Variants in DOCK3 observed in about 807,000 individuals in gnomAD.
The protein encoded by DOCK3 is dedicator of cytokinesis protein 3.
A neutral mutation model predicts 265.6 loss-of-function variants in DOCK3; 60 were observed. The observed-to-expected ratio is 0.23, with a 90% CI of 0.18 to 0.28. The LOEUF (loss-of-function observed/expected upper bound fraction) is 0.28. Among genes scored for constraint, DOCK3 ranks in the 10% least tolerant of loss-of-function variants. The probability of loss-of-function intolerance (pLI) is 1.00; values close to 1 mark genes in which losing one functional copy is unlikely to be tolerated. For missense variants in DOCK3, 1,981 were observed against 2,594.3 expected (o/e 0.76, Z 5.14); for synonymous variants, 881 against 938.0 (o/e 0.94, Z 1.11).
chr3:50,749,238 C>G (rs2039638991), intron 1 of DOCK3, among the ~76,000 whole-genome samples: 1 of 152,140 alleles, frequency 6.6e-6, no homozygotes, highest in Non-Finnish European at 1.5e-5. Context: ...GCTTCCCTAG[C>G]CTGGGACAAA....
intron 1 of DOCK3, among the ~76,000 whole-genome samples, chr3:50,683,490 C>A (rs1296622699): frequency 6.6e-6 from 1 of 152,114 alleles, no homozygotes; most frequent in Non-Finnish European, 1.5e-5. Context: ...AGTGTATAAA[C>A]AAGTAGTGTC....
intron 3 of DOCK3, among the ~76,000 whole-genome samples, chr3:50,869,325 A>T (rs1204331892): frequency 1.7e-5 from 1 of 57,342 alleles, no homozygotes; most frequent in South Asian, 6.6e-4. Flanking sequence ...TTTCAATTTT[A>T]TTTATTTCTG....
chr3:50,852,510 T>G (rs2046391080), intron 3 of DOCK3, among the ~76,000 whole-genome samples: 1 of 152,184 alleles, frequency 6.6e-6, no homozygotes. Context: ...ATCTGTTGGT[T>G]TTGGTCAGTT....
intron 2 of DOCK3, among the ~76,000 whole-genome samples, chr3:50,838,002 T>C (rs974964458): frequency 1.3e-5 from 2 of 152,160 alleles, no homozygotes; most frequent in African/African-American, 4.8e-5. Flanking sequence ...TTTGGAGAGC[T>C]TAGAGCAGAG....
intron 5 of DOCK3, among the ~76,000 whole-genome samples, chr3:50,980,011 A>G (rs1314454099): frequency 6.6e-6 from 1 of 152,176 alleles, no homozygotes; most frequent in Non-Finnish European, 1.5e-5. Context: ...GAATGTTCAA[A>G]GTGGGCATCT....
intron 3 of DOCK3, among the ~76,000 whole-genome samples, chr3:50,873,155 C>T (rs1350906468): frequency 6.6e-6 from 1 of 152,190 alleles, no homozygotes; most frequent in Non-Finnish European, 1.5e-5. Flanking sequence ...TCCCCCGAAG[C>T]CAGCAAGTCT....
chr3:51,259,657 TG>T (rs1210264951), intron 22 of DOCK3, among the ~76,000 whole-genome samples: 1 of 152,186 alleles, frequency 6.6e-6, no homozygotes, highest in African/African-American at 2.4e-5. Context: ...CTGTGACCCC[TG>T]GTGAAAAAGG....
chr3:50,975,120 AAT>A (rs1305613131), intron 5 of DOCK3, among the ~76,000 whole-genome samples: 1 of 149,388 alleles, frequency 6.7e-6, no homozygotes, highest in Non-Finnish European at 1.5e-5. Flanking sequence ...TTCCTAATTG[AAT>A]ACCCTTTATT....
chr3:50,780,726 A>G (rs1051723002), intron 2 of DOCK3, among the ~76,000 whole-genome samples: 25 of 152,064 alleles, frequency 1.6e-4, no homozygotes, highest in African/African-American at 3.1e-4. Flanking sequence ...TTGAAACTAT[A>G]TATTATTATT....
chr3:51,278,105 C>G, intron 26 of DOCK3: 1 of 985,372 alleles, frequency 1.0e-6, no homozygotes, highest in South Asian at 4.7e-5. Context: ...TTCTAGGAAC[C>G]CCCTCATACA....
chr3:50,744,258 A>G (rs1470950119), intron 1 of DOCK3, among the ~76,000 whole-genome samples: 1 of 152,222 alleles, frequency 6.6e-6, no homozygotes, highest in Non-Finnish European at 1.5e-5. Context: ...CCCTTAATGC[A>G]CAAAGCTTTT....
chr3:50,964,305 TAATC>T (rs1222914361), intron 5 of DOCK3, among the ~76,000 whole-genome samples: 3 of 152,150 alleles, frequency 2.0e-5, no homozygotes, highest in Non-Finnish European at 2.9e-5. Context: ...AAAAGAATAA[TAATC>T]AATATTTGAA....
In DOCK3 at chr3:50,989,595, A is replaced by C. The variant is rs144568708; in HGVS notation, c.315+55518A>C. Among the ~76,000 whole-genome samples, 228 of 152,358 alleles carry C rather than the reference A, an allele frequency of 1.5e-3. 2 individuals are homozygous for C. Among genetic ancestry groups the C allele is most frequent in the Middle Eastern group, 6.8e-3 (2 of 294 alleles). ...ACCAGAAAGAAGAAGTCAGCTTCAA[A>C]TAAAACCCCTGCAGAGTACCTCAGC... On this transcript the variant is annotated intron_variant, in intron 5 of 52. Coordinates refer to ENST00000266037, the MANE Select transcript of DOCK3 (RefSeq NM_004947.5).
At chr3:50,791,089 A>G (rs1485218652) in intron 2 of DOCK3, among the ~76,000 whole-genome samples, 1 of 151,754 alleles carries the variant, frequency 6.6e-6, no homozygotes, top group Non-Finnish European at 1.5e-5. Flanking sequence ...TTCTTTTGTT[A>G]TGCAGAAGCT....
chr3:51,083,185 A>G (rs2082302595), intron 7 of DOCK3, among the ~76,000 whole-genome samples: 3 of 152,200 alleles, frequency 2.0e-5, no homozygotes, highest in Non-Finnish European at 4.4e-5. Context: ...CACAGACACC[A>G]CTGACACTGA....
Position 51,382,654 on chromosome 3 carries a change from C to G in DOCK3, c.*1095C>G, listed in dbSNP as rs1409100010. The G allele has an allele frequency of 6.6e-6, 1 of 152,528 alleles. No individual in the cohort carries two copies. The highest frequency in any genetic ancestry group is 1.5e-5 in the Non-Finnish European group (1 of 68,068). The allele number at this position is 152,528 out of a possible 1,614,324, so 9.4% of individuals were successfully genotyped here. ...TAAAGAGGGTGGGAGGGGGCTTCTC[C>G]TTTTGGAAGCAGATAGCCATGCAGG... On this transcript the variant is annotated 3_prime_UTR_variant, in exon 53 of 53. Transcript: ENST00000266037.
intron 5 of DOCK3, among the ~76,000 whole-genome samples, chr3:50,992,891 G>A (rs2078159157): frequency 6.6e-6 from 1 of 152,090 alleles, no homozygotes; most frequent in South Asian, 2.1e-4. Flanking sequence ...AGTAATATTA[G>A]CCTATCGATC....
chr3:51,161,643 T>C (rs1046238502), intron 12 of DOCK3, among the ~76,000 whole-genome samples: 1 of 152,184 alleles, frequency 6.6e-6, no homozygotes, highest in Non-Finnish European at 1.5e-5. Flanking sequence ...ACCAATCTTA[T>C]ATATTTGCAG....
intron 9 of DOCK3, among the ~76,000 whole-genome samples, chr3:51,124,121 G>A (rs773088561): frequency 6.6e-6 from 1 of 152,160 alleles, no homozygotes; most frequent in African/African-American, 2.4e-5. Flanking sequence ...CTGGCCCTCT[G>A]GACATCCTTC....
Sources: gnomAD v4.1 joint callset for allele counts (sites outside exome capture counted in the v4.1 genomes callset) on GRCh38, gnomAD v4.1.1 for gene constraint, MANE v1.5 for transcripts, NCBI Gene and HGNC (gene_info 2026-07-23, HGNC 2026-07-21) for gene names.